TNIK: variants seen among roughly 807,000 people sequenced by gnomAD.
TNIK encodes TRAF2 and NCK-interacting protein kinase.
TNIK carries 49 observed loss-of-function variants against 191.3 expected under a neutral mutation model. That is an observed-to-expected ratio of 0.26 (90% confidence interval 0.20 to 0.32). The LOEUF (loss-of-function observed/expected upper bound fraction) is 0.32. TNIK is among the 10% of genes least tolerant of loss of function. The probability of loss-of-function intolerance (pLI) is 1.00; values close to 1 mark genes in which losing one functional copy is unlikely to be tolerated. For synonymous variants in TNIK, 594 were observed against 600.9 expected (o/e 0.99, Z 0.17); for missense variants, 1,155 against 1,702.3 (o/e 0.68, Z 5.66).
chr3:171,207,203 G>T (rs749264949), intron 4 of TNIK, among the ~76,000 whole-genome samples: 6 of 152,206 alleles, frequency 3.9e-5, no homozygotes, highest in Non-Finnish European at 7.4e-5. Flanking sequence ...CAGAGGTGGG[G>T]CTTCTGGATC....
intron 28 of TNIK, among the ~76,000 whole-genome samples, chr3:171,073,463 C>T (rs925492388): frequency 6.6e-6 from 1 of 152,036 alleles, no homozygotes; most frequent in East Asian, 1.9e-4. Context: ...TTGGCCTAGA[C>T]AACATGTTTA....
In TNIK at chr3:171,175,323, A is replaced by G; in HGVS notation, c.702T>C (p.Cys234=). The G allele has an allele frequency of 6.2e-7, 1 of 1,610,010 alleles. No homozygotes were observed. Among genetic ancestry groups the G allele is most frequent in the Non-Finnish European group, 8.5e-7 (1 of 1,178,370 alleles). ...AGAGAGCTCTCATGGGGTGCATGTCACAGAGAGCTGCAAGAGACCAAAACA... is the reference window on the plus strand; with the variant it reads ...AGAGAGCTCTCATGGGGTGCATGTCGCAGAGAGCTGCAAGAGACCAAAACA... ...IEMAEGAPPL[C]DMHPMRALFL... is the part of the protein sequence containing the mutation. The change falls in exon 9 of 33, where the codon TGT becomes TGC. Residue 234 remains cysteine (C), a synonymous_variant. Coordinates refer to ENST00000436636, the MANE Select transcript of TNIK (RefSeq NM_015028.4).
In TNIK at chr3:171,126,011, C is replaced by A; in HGVS notation, c.1914G>T (p.Gln638His). Residue 638 changes from glutamine (Q) to histidine (H), a missense_variant, in exon 17 of 33, where the codon CAG becomes CAT. Physicochemically the swap from Gln to His is conservative, Grantham distance 24. This residue lies in a region of TNIK where 735 missense variants were observed against 848.0 expected (regional missense o/e 0.87). Coordinates refer to ENST00000436636, the MANE Select transcript of TNIK (RefSeq NM_015028.4). Reference protein sequence around the residue: ...VTSHRVEMPRQNSDPTSENPP... With the variant: ...VTSHRVEMPRHNSDPTSENPP... ...GATTTTCCGAGGTGGGATCTGAGTT[C>A]TGGCGTGGCATCTCCACGCGGTGGG... 1 of 1,613,932 alleles carries A rather than the reference C, an allele frequency of 6.2e-7. No individual in the cohort carries two copies. The highest frequency in any genetic ancestry group is 8.5e-7 in the Non-Finnish European group (1 of 1,179,884).
intron 11 of TNIK, among the ~76,000 whole-genome samples, chr3:171,158,710 CAT>C (rs934413295): frequency 1.3e-5 from 2 of 152,162 alleles, no homozygotes; most frequent in African/African-American, 2.4e-5. Context: ...ATGGGACACA[CAT>C]ACAGACAAAT....
At chr3:171,285,227 T>C (rs1750885184) in intron 2 of TNIK, among the ~76,000 whole-genome samples, 1 of 152,256 alleles carries the variant, frequency 6.6e-6, no homozygotes, top group Non-Finnish European at 1.5e-5. Context: ...CTGTTTTCTT[T>C]ATAAATTGTT....
At position 171,365,961 on chromosome 3, in the gene TNIK, G is replaced by GA. The variant is rs35660541; in HGVS notation, c.123+3658dup. Among the ~76,000 whole-genome samples the GA allele has an allele frequency of 2.6e-5, 4 of 152,248 alleles. No individual in the cohort carries two copies. The East Asian group carries it at 7.7e-4, about 29-fold the overall frequency. On this transcript the variant is annotated intron_variant, in intron 2 of 32. Transcript: ENST00000436636. The stretch of plus-strand genomic sequence containing the variant: ...TTCAAAAGGGCAAATTAGGAGACAG[G>GA]AAAAACCAACATTTATTTAAAACCT...
intron 3 of TNIK, among the ~76,000 whole-genome samples, chr3:171,223,067 C>A (rs1204011545): frequency 6.6e-6 from 1 of 152,194 alleles, no homozygotes; most frequent in Non-Finnish European, 1.5e-5. Context: ...TATTAAATTC[C>A]TTCATGACCT....
At chr3:171,310,122 A>T (rs1230963808) in intron 2 of TNIK, among the ~76,000 whole-genome samples, 1 of 152,058 alleles carries the variant, frequency 6.6e-6, no homozygotes, top group South Asian at 2.1e-4. Context: ...CTACTTTTTT[A>T]AAAAATTGAA....
intron 7 of TNIK, among the ~76,000 whole-genome samples, chr3:171,178,616 G>T (rs1736258358): frequency 6.6e-6 from 1 of 152,122 alleles, no homozygotes; most frequent in Non-Finnish European, 1.5e-5. Context: ...ATGAGAGGGG[G>T]AATATCAAGA....
At chr3:171,304,958 T>C (rs1465601945) in intron 2 of TNIK, among the ~76,000 whole-genome samples, 1 of 144,502 alleles carries the variant, frequency 6.9e-6, no homozygotes, top group Non-Finnish European at 1.5e-5. Flanking sequence ...TGGATACATA[T>C]GTAACAAACC....
At chr3:171,445,985 C>T (rs1223372681) in intron 1 of TNIK, among the ~76,000 whole-genome samples, 1 of 152,146 alleles carries the variant, frequency 6.6e-6, no homozygotes, top group Non-Finnish European at 1.5e-5. Flanking sequence ...GATCAACACT[C>T]AGATTTCAGT....
chr3:171,088,235 TTC>T (rs1167962033), intron 23 of TNIK, among the ~76,000 whole-genome samples: 1 of 151,270 alleles, frequency 6.6e-6, no homozygotes, highest in Non-Finnish European at 1.5e-5. Flanking sequence ...TTAAAGGTTT[TTC>T]TTTTTTTTTT....
chr3:171,427,678 C>T (rs1439218304), intron 1 of TNIK, among the ~76,000 whole-genome samples: 1 of 152,148 alleles, frequency 6.6e-6, no homozygotes, highest in East Asian at 1.9e-4. Context: ...TTAGTGCTAC[C>T]TTTCTAAAAG....
chr3:171,117,495 A>AATACATATATATGAGAC (rs1726920880), intron 18 of TNIK, among the ~76,000 whole-genome samples: 1 of 151,184 alleles, frequency 6.6e-6, no homozygotes, highest in African/African-American at 2.4e-5. Flanking sequence ...TAAATTAGTA[A>AATACATATATATGAGAC]ATACATATAT....
chr3:171,459,932 GC>G, intron 1 of TNIK, 74 bp downstream of exon 1: 1 of 606,136 alleles, frequency 1.6e-6, no homozygotes, highest in South Asian at 1.5e-5. Flanking sequence ...CCCAGCCCCA[GC>G]CCCCAGTCCA....
intron 28 of TNIK, among the ~76,000 whole-genome samples, chr3:171,073,258 C>T (rs1050554493): frequency 6.6e-5 from 10 of 152,086 alleles, no homozygotes; most frequent in African/African-American, 2.2e-4. Context: ...TACCTACAAC[C>T]AACTGATCTT....
intron 30 of TNIK, among the ~76,000 whole-genome samples, chr3:171,068,600 G>C (rs1216628699): frequency 3.3e-5 from 5 of 152,112 alleles, no homozygotes; most frequent in Non-Finnish European, 7.4e-5. Flanking sequence ...TTAATCTAAA[G>C]TCCAAAGAGA....
At chr3:171,172,308 G>A (rs1463532404) in intron 9 of TNIK, among the ~76,000 whole-genome samples, 5 of 152,148 alleles carry the variant, frequency 3.3e-5, no homozygotes, top group Non-Finnish European at 7.3e-5. Context: ...TGAGAACAAG[G>A]CATTTAACCC....
intron 11 of TNIK, among the ~76,000 whole-genome samples, chr3:171,157,968 GT>G (rs1733448846): frequency 6.6e-6 from 1 of 152,148 alleles, no homozygotes; most frequent in African/African-American, 2.4e-5. Context: ...TCCTTGGGAC[GT>G]GGCAAAGATT....
Sources: allele counts gnomAD v4.1 joint callset (sites outside exome capture counted in the v4.1 genomes callset), GRCh38; gene constraint gnomAD v4.1.1; regional missense constraint gnomAD v4.1.1; transcripts MANE v1.5; gene names NCBI Gene and HGNC (gene_info 2026-07-23, HGNC 2026-07-21).